The following DAB1 variants were observed in gnomAD, a reference collection of about 807,000 sequenced individuals.
DAB1 encodes disabled homolog 1.
Under a neutral mutation model 64.6 loss-of-function variants are expected in DAB1, and 15 were observed. The observed-to-expected ratio is 0.23, with a 90% CI of 0.16 to 0.36. DAB1 has a LOEUF of 0.36. DAB1 is among the 10% of genes least tolerant of loss of function. The pLI is 1.00. For synonymous variants in DAB1, 235 were observed against 251.9 expected (o/e 0.93, Z 0.64); for missense variants, 596 against 706.7 (o/e 0.84, Z 1.78).
intron 4 of DAB1, among the ~76,000 whole-genome samples, chr1:58,244,189 T>A (rs1485574473): frequency 6.6e-6 from 1 of 152,120 alleles, no homozygotes. Context: ...TAGAATAACA[T>A]ATGAAAAGTG....
intron 5 of DAB1, among the ~76,000 whole-genome samples, chr1:57,907,254 T>G (rs1421620722): frequency 6.6e-6 from 1 of 152,162 alleles, no homozygotes; most frequent in Admixed American, 6.5e-5. Context: ...ACGGTGCACC[T>G]ACAGAGGAGG....
intron 5 of DAB1, among the ~76,000 whole-genome samples, chr1:58,076,041 C>T (rs1158463622): frequency 6.6e-6 from 1 of 152,010 alleles, no homozygotes; most frequent in Non-Finnish European, 1.5e-5. Context: ...CATATGAGGT[C>T]CCAACCCCTA....
intron 2 of DAB1, among the ~76,000 whole-genome samples, chr1:58,525,372 T>C (rs1184371230): frequency 2.0e-5 from 3 of 152,102 alleles, no homozygotes; most frequent in Admixed American, 2.0e-4. Context: ...GTCAACTGTA[T>C]ACAGATTGGA....
chr1:57,726,175 A>G (rs1353266643), intron 6 of DAB1, among the ~76,000 whole-genome samples: 3 of 152,202 alleles, frequency 2.0e-5, no homozygotes, highest in Non-Finnish European at 4.4e-5. Flanking sequence ...GAGAAAATAG[A>G]AGAGTAAAGT....
In DAB1 at chr1:57,399,148, C is replaced by G. The variant is rs1013638307; in HGVS notation, c.-137+24782G>C. Reference sequence around the variant, plus strand: ...TCACCAACTCACCATTAACATGATGCCAGCCACACAGAACCAAAAGGCAAT... The same window carrying G: ...TCACCAACTCACCATTAACATGATGGCAGCCACACAGAACCAAAAGGCAAT... On this transcript the variant is annotated intron_variant, in intron 1 of 14. Coordinates refer to ENST00000371236, the MANE Select transcript of DAB1 (RefSeq NM_001365792.1). Among the ~76,000 whole-genome samples the G allele has an allele frequency of 3.3e-5, 5 of 152,170 alleles. No individual in the cohort carries two copies. The East Asian group carries it at 9.7e-4, about 29-fold the overall frequency.
At chr1:57,690,347 G>A (rs6683959) in intron 6 of DAB1, among the ~76,000 whole-genome samples, 7,858 of 152,118 alleles carry the variant, frequency 0.052, 683 homozygotes, top group African/African-American at 0.18. Flanking sequence ...GCATGGTGGG[G>A]GGTAATTGGA....
chr1:57,291,027 A>C lies in DAB1; in HGVS notation c.4T>G (p.Ser2Ala). Residue 2 changes from serine to alanine, a missense_variant, in exon 2 of 15, where the codon TCA (serine) becomes GCA (alanine). Around this residue, in one of 3 missense-constraint regions of DAB1, gnomAD observed 43 missense variants for 39.6 expected, o/e 1.09. Coordinates refer to ENST00000371236, the MANE Select transcript of DAB1 (RefSeq NM_001365792.1). ...GCTACTTGAAGTTCTGTCTCAGTTG[A>C]CATCCTACTTAATCCTTAGTCCACT... Reference protein sequence around the residue: MSTETELQVAVK... With the variant: MATETELQVAVK... 1 of 1,610,654 alleles carries C rather than the reference A, an allele frequency of 6.2e-7. No homozygotes were observed. Among genetic ancestry groups the C allele is most frequent in the Non-Finnish European group, 8.5e-7 (1 of 1,178,120 alleles).
intron 5 of DAB1, chr1:58,049,318 C>T (rs1336564840): frequency 7.6e-6 from 5 of 660,322 alleles, no homozygotes; most frequent in African/African-American, 1.8e-5. Context: ...GAGACTTTAA[C>T]GATGCTTCTT....
intron 6 of DAB1, among the ~76,000 whole-genome samples, chr1:57,813,713 T>A (rs1651730671): frequency 6.6e-6 from 1 of 152,130 alleles, no homozygotes; most frequent in African/African-American, 2.4e-5. Context: ...GAGGAATAAC[T>A]AAATGAAGAG....
At chr1:58,219,627 C>T (rs1275496767) in intron 4 of DAB1, among the ~76,000 whole-genome samples, 1 of 152,186 alleles carries the variant, frequency 6.6e-6, no homozygotes, top group Non-Finnish European at 1.5e-5. Flanking sequence ...CTTCCTTAGT[C>T]AATTTCTACT....
chr1:58,289,986 C>T (rs1241136008), intron 4 of DAB1, among the ~76,000 whole-genome samples: 2 of 152,106 alleles, frequency 1.3e-5, no homozygotes, highest in African/African-American at 4.8e-5. Context: ...GAAAGAGAGC[C>T]CTGGACTTGG....
At chr1:57,102,317 A>C (rs1654753305) in intron 4 of DAB1, among the ~76,000 whole-genome samples, 1 of 152,202 alleles carries the variant, frequency 6.6e-6, no homozygotes, top group Non-Finnish European at 1.5e-5. Flanking sequence ...AGTTCACATG[A>C]TATTATGATG....
At chr1:57,687,322 C>A (rs1300617033) in intron 6 of DAB1, among the ~76,000 whole-genome samples, 1 of 151,908 alleles carries the variant, frequency 6.6e-6, no homozygotes, top group Non-Finnish European at 1.5e-5. Flanking sequence ...ACTAGGAATA[C>A]AACTAACCAA....
intron 8 of DAB1, among the ~76,000 whole-genome samples, chr1:57,067,750 A>G (rs552671174): frequency 1.4e-4 from 22 of 152,328 alleles, no homozygotes; most frequent in Middle Eastern, 3.4e-3. Flanking sequence ...AGAGGAAAAA[A>G]AAATACTTGA....
intron 4 of DAB1, among the ~76,000 whole-genome samples, chr1:58,170,866 C>T (rs1223689335): frequency 1.3e-5 from 2 of 152,164 alleles, no homozygotes; most frequent in Non-Finnish European, 2.9e-5. Flanking sequence ...CAGCTCATGT[C>T]ATCACCCTCA....
At chr1:58,302,400 G>C (rs1048723871) in intron 4 of DAB1, among the ~76,000 whole-genome samples, 1 of 152,110 alleles carries the variant, frequency 6.6e-6, no homozygotes, top group South Asian at 2.1e-4. Flanking sequence ...AGGAGTAGAG[G>C]GTGGAGGGCA....
At chr1:57,543,728 G>A (rs1317439837) in intron 7 of DAB1, among the ~76,000 whole-genome samples, 1 of 152,138 alleles carries the variant, frequency 6.6e-6, no homozygotes, top group East Asian at 1.9e-4. Context: ...TTGCCGAGCA[G>A]AGAAAACCAC....
intron 5 of DAB1, among the ~76,000 whole-genome samples, chr1:57,975,091 G>A (rs77003149): frequency 0.02 from 3,054 of 152,210 alleles, 114 homozygotes; most frequent in African/African-American, 0.07. Context: ...AGATTAAGTT[G>A]TGAAGTTGGA....
chr1:57,078,519 G>A (rs1652195479), intron 4 of DAB1, among the ~76,000 whole-genome samples: 1 of 152,104 alleles, frequency 6.6e-6, no homozygotes, highest in South Asian at 2.1e-4. Flanking sequence ...GAAAAAAACA[G>A]AAAAGATAAT....
Sources: allele counts gnomAD v4.1 joint callset (sites outside exome capture counted in the v4.1 genomes callset), GRCh38; gene constraint gnomAD v4.1.1; regional missense constraint gnomAD v4.1.1; transcripts MANE v1.5; gene names NCBI Gene and HGNC (gene_info 2026-07-23, HGNC 2026-07-21).